HS6ST3: variants seen among roughly 807,000 people sequenced by gnomAD.
HS6ST3 encodes heparan sulfate 6-O-sulfotransferase 3.
Under a neutral mutation model 36.7 loss-of-function variants are expected in HS6ST3, and 12 were observed. The ratio of observed to expected loss-of-function variants is 0.33; its 90% CI spans 0.21 to 0.53. The LOEUF is 0.53. Ranked by LOEUF, HS6ST3 falls within the 20% of genes least tolerant of loss-of-function variation. The probability of loss-of-function intolerance (pLI) is 0.95; values close to 1 mark genes in which losing one functional copy is unlikely to be tolerated. For synonymous variants in HS6ST3, 240 were observed against 257.5 expected (o/e 0.93, Z 0.65); for missense variants, 584 against 640.9 (o/e 0.91, Z 0.96).
intron 1 of HS6ST3, among the ~76,000 whole-genome samples, chr13:96,688,075 A>AT (rs1874835033): frequency 7.1e-4 from 2 of 2,802 alleles, no homozygotes; most frequent in African/African-American, 1.6e-3. Flanking sequence ...CTGTCATGGA[A>AT]TGGGGGGGGG....
intron 1 of HS6ST3, among the ~76,000 whole-genome samples, chr13:96,336,211 A>AGTAATTCCC (rs2055100231): frequency 6.6e-6 from 1 of 152,230 alleles, no homozygotes; most frequent in African/African-American, 2.4e-5. Flanking sequence ...TTAACAGAAA[A>AGTAATTCCC]GTAATTCCCT....
chr13:96,566,994 AT>A (rs2056283704), intron 1 of HS6ST3, among the ~76,000 whole-genome samples: 1 of 152,154 alleles, frequency 6.6e-6, no homozygotes, highest in South Asian at 2.1e-4. Flanking sequence ...AAAAATAACT[AT>A]GTTCCATAAG....
At chr13:96,738,883 A>G (rs915618245) in intron 1 of HS6ST3, among the ~76,000 whole-genome samples, 2 of 152,158 alleles carry the variant, frequency 1.3e-5, no homozygotes, top group Non-Finnish European at 2.9e-5. Flanking sequence ...ACACCTCAAA[A>G]GAATTAGTCC....
At position 96,420,231 on chromosome 13, in the gene HS6ST3, C is replaced by T. The variant is rs149262028; in HGVS notation, c.707+328662C>T. Among the ~76,000 whole-genome samples, 1,467 of 151,988 alleles carry T rather than the reference C, an allele frequency of 9.7e-3. 16 individuals are homozygous for T. Among genetic ancestry groups the T allele is most frequent in the African/African-American group, 0.034 (1,413 of 41,440 alleles). ...CAGGGGGAAAGAGTGCTGGGAGTCC[C>T]TGGTGAGTACCCGGGTTTATATGAG... On this transcript the variant is annotated intron_variant, in intron 1 of 1. Transcript: ENST00000376705.
intron 1 of HS6ST3, among the ~76,000 whole-genome samples, chr13:96,310,524 C>T (rs1160877042): frequency 1.3e-5 from 2 of 152,028 alleles, no homozygotes; most frequent in Non-Finnish European, 2.9e-5. Context: ...ATGGGAGATG[C>T]CCATATTATC....
intron 1 of HS6ST3, among the ~76,000 whole-genome samples, chr13:96,210,492 G>C (rs899104583): frequency 3.9e-5 from 6 of 152,150 alleles, no homozygotes; most frequent in African/African-American, 1.2e-4. Flanking sequence ...TAGAATTAAA[G>C]GAGAACAAAT....
intron 1 of HS6ST3, among the ~76,000 whole-genome samples, chr13:96,598,444 A>G (rs776638866): frequency 2.0e-5 from 3 of 151,894 alleles, no homozygotes; most frequent in Non-Finnish European, 4.4e-5. Context: ...AGCTATTGTA[A>G]AAGGGTTTGA....
At chr13:96,808,161 A>G (rs189925063) in intron 1 of HS6ST3, among the ~76,000 whole-genome samples, 1 of 152,332 alleles carries the variant, frequency 6.6e-6, no homozygotes, top group Non-Finnish European at 1.5e-5. Context: ...TCGGAAAAAC[A>G]GTAGAGAATG....
intron 1 of HS6ST3, among the ~76,000 whole-genome samples, chr13:96,252,562 G>A (rs1387547296): frequency 6.6e-6 from 1 of 152,140 alleles, no homozygotes; most frequent in Non-Finnish European, 1.5e-5. Context: ...TCAGTGTTCT[G>A]GTTTCTCCCA....
At chr13:96,235,868 G>A (rs1161780399) in intron 1 of HS6ST3, among the ~76,000 whole-genome samples, 1 of 152,134 alleles carries the variant, frequency 6.6e-6, no homozygotes, top group African/African-American at 2.4e-5. Flanking sequence ...ATATATGGAG[G>A]GGAGTTCATT....
chr13:96,762,575 G>T (rs900689558), intron 1 of HS6ST3, among the ~76,000 whole-genome samples: 2 of 152,138 alleles, frequency 1.3e-5, no homozygotes, highest in Non-Finnish European at 2.9e-5. Context: ...GAAGGTGATG[G>T]CTTCAGTTGT....
At chr13:96,093,715 C>T (rs1201395106) in intron 1 of HS6ST3, among the ~76,000 whole-genome samples, 1 of 152,008 alleles carries the variant, frequency 6.6e-6, no homozygotes, top group Non-Finnish European at 1.5e-5. Flanking sequence ...ATAGTTGTGG[C>T]ATATGTGAAG....
chr13:96,397,553 C>T (rs1466426634), intron 1 of HS6ST3, among the ~76,000 whole-genome samples: 1 of 152,132 alleles, frequency 6.6e-6, no homozygotes, highest in Non-Finnish European at 1.5e-5. Context: ...AACTTTATTG[C>T]TTCTCCTACA....
chr13:96,300,821 GTTTAATAATA>G (rs1490480715), intron 1 of HS6ST3, among the ~76,000 whole-genome samples: 4 of 152,166 alleles, frequency 2.6e-5, no homozygotes, highest in Non-Finnish European at 5.9e-5. Flanking sequence ...TTTGAAAGAT[GTTTAATAATA>G]GTAACAACTT....
chr13:96,399,845 C>CCA (rs2055440459), intron 1 of HS6ST3, among the ~76,000 whole-genome samples: 1 of 152,228 alleles, frequency 6.6e-6, no homozygotes, highest in South Asian at 2.1e-4. Context: ...TATTAGTTGT[C>CCA]ACCAACTCAT....
rs1339637754 is a variant in HS6ST3 at position 96,831,980 on chromosome 13, A to AAAAAAAAAAAC, written c.708-510_708-509insAAAAAAAAAAC. ...AAAAAAAAAAAAAAAAAAAAAAAAA[A>AAAAAAAAAAAC]CAGAGATTAAGGAGAATACATGTTC... On this transcript the variant is annotated intron_variant, in intron 1 of 1. Coordinates refer to ENST00000376705, the MANE Select transcript of HS6ST3 (RefSeq NM_153456.4). Among the ~76,000 whole-genome samples the AAAAAAAAAAAC allele has an allele frequency of 1.3e-4, 18 of 141,906 alleles. 1 individual carries two copies. Among genetic ancestry groups the AAAAAAAAAAAC allele is most frequent in the African/African-American group, 1.6e-4 (6 of 38,336 alleles). The allele number at this position is 141,906 out of a possible 152,430, so 93.1% of individuals were successfully genotyped here.
chr13:96,665,035 G>T (rs1162145504), intron 1 of HS6ST3, among the ~76,000 whole-genome samples: 1 of 152,054 alleles, frequency 6.6e-6, no homozygotes, highest in Non-Finnish European at 1.5e-5. Context: ...TGCTGGGCAT[G>T]GTGGTGTATG....
At chr13:96,792,809 A>C (rs1877822456) in intron 1 of HS6ST3, among the ~76,000 whole-genome samples, 1 of 151,966 alleles carries the variant, frequency 6.6e-6, no homozygotes, top group South Asian at 2.1e-4. Flanking sequence ...GAAAATTTTG[A>C]TTCTGCATTA....
chr13:96,593,824 G>T (rs1475818198), intron 1 of HS6ST3, among the ~76,000 whole-genome samples: 2 of 151,938 alleles, frequency 1.3e-5, no homozygotes, highest in East Asian at 2.0e-4. Context: ...TATTTTATCT[G>T]ATATAAGCAT....
Sources: gnomAD v4.1 joint callset for allele counts (sites outside exome capture counted in the v4.1 genomes callset) on GRCh38, gnomAD v4.1.1 for gene constraint, MANE v1.5 for transcripts, NCBI Gene and HGNC (gene_info 2026-07-23, HGNC 2026-07-21) for gene names.